KDM2A: variants seen among roughly 807,000 people sequenced by gnomAD.
KDM2A encodes the protein lysine-specific demethylase 2A.
In KDM2A, 3 loss-of-function variants were observed where a neutral mutation model predicts 137.3. The observed-to-expected ratio is 0.02, with a 90% CI of 0.01 to 0.06. The LOEUF (loss-of-function observed/expected upper bound fraction) is 0.06, where lower values mean the gene tolerates loss of function less well. Ranked by LOEUF, KDM2A falls within the 10% of genes least tolerant of loss-of-function variation. The pLI is 1.00. For missense variants in KDM2A, 738 were observed against 1,510.6 expected (o/e 0.49, Z 8.48); for synonymous variants, 512 against 541.5 (o/e 0.95, Z 0.76).
chr11:67,188,023 T>G (rs1857250114), intron 5 of KDM2A, among the ~76,000 whole-genome samples: 1 of 151,930 alleles, frequency 6.6e-6, no homozygotes, highest in Non-Finnish European at 1.5e-5. Flanking sequence ...CAAGACCTCA[T>G]GTCTATAAAA....
At chr11:67,170,453 C>G (rs984712435) in intron 2 of KDM2A, among the ~76,000 whole-genome samples, 3 of 139,836 alleles carry the variant, frequency 2.1e-5, no homozygotes, top group Non-Finnish European at 1.5e-5. Context: ...CGCTCTGTCG[C>G]CCAGGCTGGA....
At chr11:67,200,608 G>A (rs1354386097) in intron 5 of KDM2A, among the ~76,000 whole-genome samples, 2 of 152,044 alleles carry the variant, frequency 1.3e-5, no homozygotes, top group Non-Finnish European at 1.5e-5. Context: ...GTGTCCCTGG[G>A]CTCAGGTGAT....
chr11:67,162,162 A>T (rs931309606), intron 2 of KDM2A, among the ~76,000 whole-genome samples: 1 of 152,118 alleles, frequency 6.6e-6, no homozygotes. Flanking sequence ...ATTTTGGTTT[A>T]TTTGGTAAAT....
intron 2 of KDM2A, among the ~76,000 whole-genome samples, chr11:67,123,275 CTTTTTTTTTTT>C (rs575165830): frequency 1.4e-5 from 1 of 71,474 alleles, no homozygotes; most frequent in African/African-American, 5.3e-5. Context: ...CAGTACCTGG[CTTTTTTTTTTT>C]TTTTTTTTTT....
chr11:67,224,461 C>CTTTTTTTTT (rs35180780), intron 10 of KDM2A, among the ~76,000 whole-genome samples: 17 of 95,160 alleles, frequency 1.8e-4, no homozygotes, highest in African/African-American at 6.8e-4. Flanking sequence ...TAACCCCTTT[C>CTTTTTTTTT]TTTTTTTTTT....
chr11:67,133,551 C>T (rs1855902927), intron 2 of KDM2A, among the ~76,000 whole-genome samples: 1 of 152,034 alleles, frequency 6.6e-6, no homozygotes, highest in African/African-American at 2.4e-5. Context: ...TACAGGCTCC[C>T]ACCACCACGC....
At chr11:67,251,291 T>A (rs1859417209) in intron 17 of KDM2A, among the ~76,000 whole-genome samples, 1 of 152,112 alleles carries the variant, frequency 6.6e-6, no homozygotes, top group South Asian at 2.1e-4. Context: ...TGCTTAACAT[T>A]TTTCTTCAGT....
chr11:67,178,288 G>A (rs1857014172), intron 2 of KDM2A, among the ~76,000 whole-genome samples: 1 of 152,096 alleles, frequency 6.6e-6, no homozygotes. Flanking sequence ...CACTGGTGGT[G>A]TCAGCTATGG....
chr11:67,192,319 C>G (rs1180097148), intron 5 of KDM2A, among the ~76,000 whole-genome samples: 1 of 151,500 alleles, frequency 6.6e-6, no homozygotes, highest in East Asian at 1.9e-4. Context: ...CATTCTGCAA[C>G]TTGCTTTTTC....
chr11:67,247,422 C>CT (rs56012601), intron 15 of KDM2A, among the ~76,000 whole-genome samples: 19,298 of 84,514 alleles, frequency 0.23, 5,410 homozygotes, highest in African/African-American at 0.67. Context: ...GCATTACAAT[C>CT]TTTTTTTTTT....
intron 2 of KDM2A, among the ~76,000 whole-genome samples, chr11:67,163,265 A>G (rs1490403083): frequency 6.6e-6 from 1 of 152,180 alleles, no homozygotes; most frequent in Non-Finnish European, 1.5e-5. Context: ...CTTCTCAAAT[A>G]ACATCTTGCA....
At chr11:67,163,377 T>G (rs541126306) in intron 2 of KDM2A, among the ~76,000 whole-genome samples, 1 of 152,272 alleles carries the variant, frequency 6.6e-6, no homozygotes, top group African/African-American at 2.4e-5. Context: ...GATTTAGAGA[T>G]GGAATCATAA....
intron 2 of KDM2A, among the ~76,000 whole-genome samples, chr11:67,157,967 C>T (rs1590733478): frequency 1.3e-5 from 2 of 152,086 alleles, no homozygotes; most frequent in African/African-American, 4.8e-5. Flanking sequence ...ATAACTGTAA[C>T]CTCATGTTTA....
intron 2 of KDM2A, among the ~76,000 whole-genome samples, chr11:67,122,643 T>TTATTTTTA (rs774378573): frequency 2.2e-4 from 32 of 144,576 alleles, no homozygotes; most frequent in Non-Finnish European, 4.1e-4. Flanking sequence ...TTTTATTTAT[T>TTATTTTTA]TTTATTTATT....
intron 5 of KDM2A, among the ~76,000 whole-genome samples, chr11:67,202,380 C>T (rs553600381): frequency 1.3e-5 from 2 of 152,192 alleles, no homozygotes; most frequent in East Asian, 3.9e-4. Context: ...GACGTTCTAC[C>T]ATGGGTAAAA....
At position 67,145,358 on chromosome 11, in the gene KDM2A, C is replaced by T. The variant is rs180842695; in HGVS notation, c.42+24000C>T. ...ACACAAAATTAGCCAGGTGTAGTTG[C>T]GTGTGCCTGTAATCCCAGCTACTTG... On this transcript the variant is annotated intron_variant, in intron 2 of 20. Transcript: ENST00000529006. Among the ~76,000 whole-genome samples, 154 of 151,676 alleles carry T rather than the reference C, an allele frequency of 1.0e-3. 1 individual carries two copies. In the South Asian group the frequency reaches 0.017, roughly 17 times the overall value.
At chr11:67,224,237 G>A (rs77437160) in intron 10 of KDM2A, among the ~76,000 whole-genome samples, 2,954 of 152,226 alleles carry the variant, frequency 0.019, 35 homozygotes, top group East Asian at 0.047. Context: ...GGGAGGAGAT[G>A]GGAACATTCT....
chr11:67,148,204 T>G (rs1428195846), intron 2 of KDM2A, among the ~76,000 whole-genome samples: 1 of 151,986 alleles, frequency 6.6e-6, no homozygotes, highest in Non-Finnish European at 1.5e-5. Context: ...AGGATCATTT[T>G]TGAACTCTGG....
At chr11:67,179,508 G>C (rs565659651) in intron 2 of KDM2A, among the ~76,000 whole-genome samples, 2 of 152,090 alleles carry the variant, frequency 1.3e-5, no homozygotes, top group African/African-American at 4.8e-5. Context: ...TCGAACTCCC[G>C]ACCTCAGGTG....
Sources: gnomAD v4.1 joint callset for allele counts (sites outside exome capture counted in the v4.1 genomes callset) on GRCh38, gnomAD v4.1.1 for gene constraint, MANE v1.5 for transcripts, NCBI Gene and HGNC (gene_info 2026-07-23, HGNC 2026-07-21) for gene names.